Variants in EXOC6B observed in about 807,000 individuals in gnomAD.
EXOC6B encodes the protein SEC15 homolog B.
Under a neutral mutation model 113.5 loss-of-function variants are expected in EXOC6B, and 54 were observed. The ratio of observed to expected loss-of-function variants is 0.48; its 90% CI spans 0.38 to 0.60. The LOEUF (loss-of-function observed/expected upper bound fraction) is 0.60, where lower values mean the gene tolerates loss of function less well. EXOC6B is among the 20% of genes least tolerant of loss of function. The pLI, the probability that EXOC6B is intolerant of heterozygous loss-of-function variation, is 0.00. For missense variants in EXOC6B, 797 were observed against 977.5 expected, an observed-to-expected ratio of 0.82 and a Z score of 2.46; for synonymous variants, 357 against 339.0, an observed-to-expected ratio of 1.05 and a Z score of -0.58.
rs1573437236 is a variant in EXOC6B at position 72,583,221 on chromosome 2, CTATGAA to C, written c.670-7559_670-7554del. ...ATGAGATTATGTAAAACAACCAAAC[CTATGAA>C]TTACTGGCATTCCTAAGAGTGAAGA... On this transcript the variant is annotated intron_variant, in intron 6 of 21. Transcript: ENST00000272427. 3.9e-5 allele frequency among the ~76,000 whole-genome samples: 6 copies of C among 152,250 alleles called. No homozygotes were observed. In the East Asian group the frequency reaches 1.2e-3, roughly 29 times the overall value.
intron 20 of EXOC6B, among the ~76,000 whole-genome samples, chr2:72,271,775 A>G (rs1007579737): frequency 9.2e-5 from 14 of 152,262 alleles, no homozygotes; most frequent in Admixed American, 5.9e-4. Context: ...CCTGCAGTTC[A>G]CAATGACCTA....
chr2:72,194,597 C>CTCTCTCTCTG (rs747161190), intron 20 of EXOC6B, among the ~76,000 whole-genome samples: 18 of 147,408 alleles, frequency 1.2e-4, no homozygotes, highest in African/African-American at 4.2e-4. Context: ...CTCTCTCTCT[C>CTCTCTCTCTG]TGTGTGTGTG....
chr2:72,202,508 T>C (rs1679550904), intron 20 of EXOC6B, among the ~76,000 whole-genome samples: 1 of 152,206 alleles, frequency 6.6e-6, no homozygotes, highest in Admixed American at 6.5e-5. Context: ...TTCTCCAGAT[T>C]AGCATTTATC....
intron 6 of EXOC6B, among the ~76,000 whole-genome samples, chr2:72,626,625 T>G (rs73945607): frequency 1.1e-4 from 17 of 152,276 alleles, no homozygotes; most frequent in African/African-American, 4.1e-4. Context: ...TCATGTTAGT[T>G]TCTATGTGTA....
At chr2:72,436,296 G>A (rs1189411033) in intron 18 of EXOC6B, among the ~76,000 whole-genome samples, 3 of 151,948 alleles carry the variant, frequency 2.0e-5, no homozygotes, top group African/African-American at 7.3e-5. Flanking sequence ...TCTCTTTGTG[G>A]GTAACCTGAC....
rs530677880 is a variant in EXOC6B at position 72,765,148 on chromosome 2, T to C, written c.114-23679A>G. ...TTAGGAAGAAAAATTTTTAAAAAAT[T>C]AGCCGGGCATGGTGGCACATGCCTG... On this transcript the variant is annotated intron_variant, in intron 1 of 21. Coordinates refer to ENST00000272427, the MANE Select transcript of EXOC6B (RefSeq NM_015189.3). Among the ~76,000 whole-genome samples, 11 of 152,052 alleles carry C rather than the reference T, an allele frequency of 7.2e-5. No individual in the cohort carries two copies. In the South Asian group the frequency reaches 2.3e-3, roughly 32 times the overall value.
At chr2:72,334,852 G>A (rs1688598365) in intron 20 of EXOC6B, 95 bp downstream of exon 20, 15 of 1,196,644 alleles carry the variant, frequency 1.3e-5, no homozygotes, top group South Asian at 7.4e-5. Context: ...AATCGCCAAC[G>A]CCAATCCCCC....
At chr2:72,711,872 T>A (rs1416719202) in intron 6 of EXOC6B, among the ~76,000 whole-genome samples, 1 of 152,070 alleles carries the variant, frequency 6.6e-6, no homozygotes, top group African/African-American at 2.4e-5. Context: ...AACAGGAGAT[T>A]TCATCACACT....
At chr2:72,684,281 C>CA (rs201793461) in intron 6 of EXOC6B, among the ~76,000 whole-genome samples, 2,496 of 152,108 alleles carry the variant, frequency 0.016, 92 homozygotes, top group African/African-American at 0.058. Context: ...CAGACTAAAC[C>CA]AAAATAAATG....
At chr2:72,614,965 C>T (rs1671296348) in intron 6 of EXOC6B, among the ~76,000 whole-genome samples, 1 of 152,096 alleles carries the variant, frequency 6.6e-6, no homozygotes, top group African/African-American at 2.4e-5. Flanking sequence ...CAACAGACTA[C>T]ACCATAGAAG....
chr2:72,569,335 A>AT (rs11314552), intron 7 of EXOC6B, among the ~76,000 whole-genome samples: 2 of 151,414 alleles, frequency 1.3e-5, no homozygotes, highest in African/African-American at 4.9e-5. Context: ...GCACAACATT[A>AT]TTTTTTTTTC....
At position 72,381,895 on chromosome 2, in the gene EXOC6B, T is replaced by C. The variant is rs937392034; in HGVS notation, c.1981-2025A>G. 2.6e-5 allele frequency among the ~76,000 whole-genome samples: 4 copies of C among 152,216 alleles called. No homozygotes were observed. In the East Asian group the frequency reaches 5.8e-4, roughly 22 times the overall value. ...TTATGTCTTTGATTACTGTGTGCAA[T>C]TGAATATTTTCTAAATTAGTATTTA... On this transcript the variant is annotated intron_variant, in intron 18 of 21. Coordinates refer to ENST00000272427, the MANE Select transcript of EXOC6B (RefSeq NM_015189.3).
intron 18 of EXOC6B, among the ~76,000 whole-genome samples, chr2:72,435,458 C>T (rs779771995): frequency 2.0e-5 from 3 of 152,102 alleles, no homozygotes; most frequent in Admixed American, 6.6e-5. Context: ...CCTGGATATC[C>T]TTGTTAATTT....
intron 1 of EXOC6B, among the ~76,000 whole-genome samples, chr2:72,798,089 G>T (rs1274099663): frequency 6.6e-6 from 1 of 151,962 alleles, no homozygotes; most frequent in African/African-American, 2.4e-5. Flanking sequence ...TCTTAATTTT[G>T]TCTTTACTTC....
chr2:72,281,833 C>A (rs1685150991), intron 20 of EXOC6B, among the ~76,000 whole-genome samples: 1 of 152,126 alleles, frequency 6.6e-6, no homozygotes, highest in African/African-American at 2.4e-5. Context: ...ATGAAGAGAA[C>A]ATTCTGGGCA....
chr2:72,198,972 T>A (rs1198903396), intron 20 of EXOC6B, among the ~76,000 whole-genome samples: 1 of 152,180 alleles, frequency 6.6e-6, no homozygotes, highest in East Asian at 1.9e-4. Flanking sequence ...TCCTAGCCTT[T>A]ATTCATGTTT....
chr2:72,521,071 C>A (rs566505629), intron 8 of EXOC6B, among the ~76,000 whole-genome samples: 1 of 152,090 alleles, frequency 6.6e-6, no homozygotes, highest in African/African-American at 2.4e-5. Flanking sequence ...GTAAGAGATG[C>A]GGCCTTTAAG....
chr2:72,409,736 A>T (rs1176488856), intron 18 of EXOC6B, among the ~76,000 whole-genome samples: 2 of 138,490 alleles, frequency 1.4e-5, no homozygotes, highest in Non-Finnish European at 3.1e-5. Context: ...GGGAGGGGGG[A>T]GGGATAGCAT....
At chr2:72,292,016 A>G (rs555566400) in intron 20 of EXOC6B, among the ~76,000 whole-genome samples, 2 of 152,308 alleles carry the variant, frequency 1.3e-5, no homozygotes, top group African/African-American at 4.8e-5. Flanking sequence ...AGTTTTCTCC[A>G]TTCTTACCCC....
Sources: gnomAD v4.1 joint callset for allele counts (sites outside exome capture counted in the v4.1 genomes callset) on GRCh38, gnomAD v4.1.1 for gene constraint, MANE v1.5 for transcripts, NCBI Gene and HGNC (gene_info 2026-07-23, HGNC 2026-07-21) for gene names.